The following C9 variants were observed in gnomAD, a reference collection of about 807,000 sequenced individuals.
The protein encoded by C9 is complement C9.
Under a neutral mutation model 65.4 loss-of-function variants are expected in C9, and 63 were observed. That is an observed-to-expected ratio of 0.96 (90% CI 0.79 to 1.19). The LOEUF (loss-of-function observed/expected upper bound fraction) is 1.19. Among genes scored for constraint, C9 ranks in the 50% most tolerant of loss-of-function variants. C9 has a pLI of 0.00. For missense variants in C9, 744 were observed against 670.1 expected, an observed-to-expected ratio of 1.11 and a Z score of -1.22; for synonymous variants, 229 against 227.9, an observed-to-expected ratio of 1.00 and a Z score of -0.04.
Position 39,364,453 on chromosome 5 carries a change from GCAGGCTGA to G in C9, c.4_11del (p.Ser2ProfsTer24). 1 of 1,605,090 alleles carries G rather than the reference GCAGGCTGA, an allele frequency of 6.2e-7. No homozygotes were observed. Among genetic ancestry groups the G allele is most frequent in the African/African-American group, 1.3e-5 (1 of 74,894 alleles). On this transcript the variant is annotated frameshift_variant, in exon 1 of 11. Transcript: ENST00000263408. LOFTEE classifies it high-confidence loss of function. Reference sequence around the variant, plus strand: ...TGCAGATTGCAACTGCAAAGCTCCGGCAGGCTGACATGCTGCTCTTGCTGGGTGGCTGC... The same window carrying G: ...TGCAGATTGCAACTGCAAAGCTCCGGCATGCTGCTCTTGCTGGGTGGCTGC...
At chr5:39,310,140 G>A (rs1753454234) in intron 7 of C9, among the ~76,000 whole-genome samples, 1 of 152,126 alleles carries the variant, frequency 6.6e-6, no homozygotes, top group African/African-American at 2.4e-5. Flanking sequence ...GCTGGTTCTG[G>A]CTATGTCATG....
intron 6 of C9, among the ~76,000 whole-genome samples, chr5:39,314,354 C>T (rs1429748517): frequency 2.0e-5 from 3 of 152,046 alleles, no homozygotes; most frequent in African/African-American, 7.2e-5. Flanking sequence ...GAGGCTGAGG[C>T]AGGAGAATTG....
chr5:39,295,755 G>C (rs1300870763), intron 9 of C9, among the ~76,000 whole-genome samples: 1 of 151,502 alleles, frequency 6.6e-6, no homozygotes, highest in Non-Finnish European at 1.5e-5. Context: ...AACAAAGCTA[G>C]GAGTATCGCA....
intron 8 of C9, 82 bp downstream of exon 8, chr5:39,308,148 A>C: frequency 8.0e-7 from 1 of 1,246,286 alleles, no homozygotes; most frequent in South Asian, 1.2e-5. Flanking sequence ...CAGACAATTA[A>C]GAGGGCTCAT....
chr5:39,295,867 GA>G (rs1264424737), intron 9 of C9, among the ~76,000 whole-genome samples: 2 of 151,532 alleles, frequency 1.3e-5, no homozygotes, highest in African/African-American at 4.8e-5. Context: ...CAGAGAACCG[GA>G]AATTAATATA....
At chr5:39,311,873 C>T in intron 6 of C9, among the ~76,000 whole-genome samples, 1 of 152,228 alleles carries the variant, frequency 6.6e-6, no homozygotes, top group East Asian at 1.9e-4. Flanking sequence ...ACTACTGATA[C>T]ATGTAACAAC....
At chr5:39,361,862 G>A (rs1348621166) in intron 1 of C9, among the ~76,000 whole-genome samples, 1 of 152,170 alleles carries the variant, frequency 6.6e-6, no homozygotes. Context: ...GTAATAATAG[G>A]TCACTGTAGC....
intron 4 of C9, among the ~76,000 whole-genome samples, chr5:39,333,803 G>A (rs976904808): frequency 8.7e-5 from 13 of 148,922 alleles, no homozygotes; most frequent in East Asian, 3.9e-4. Flanking sequence ...TGGTGGAGAC[G>A]GGGTTTCGCT....
At chr5:39,341,969 T>C (rs1754095640) in intron 2 of C9, 122 bp downstream of exon 2, 2 of 743,500 alleles carry the variant, frequency 2.7e-6, no homozygotes, top group Non-Finnish European at 4.9e-6. Flanking sequence ...TAAATGTTTA[T>C]CTCTCTTTCT....
In C9 at chr5:39,306,703, G is replaced by A. The variant is rs748242211; in HGVS notation, c.1330C>T (p.Leu444Phe). ...RKYAFELKEK[L>F]LRGTVIDVTD... ...ACATCAATCACGGTTCCTCGGAGAAGCTTTTCTTTCAGTTCAAATGCATAT... is the reference window on the plus strand; with the variant it reads ...ACATCAATCACGGTTCCTCGGAGAAACTTTTCTTTCAGTTCAAATGCATAT... Residue 444 changes from leucine (L) to phenylalanine (F), a missense_variant, in exon 9 of 11, where the codon CTT (leucine) becomes TTT (phenylalanine). Coordinates refer to ENST00000263408, the MANE Select transcript of C9 (RefSeq NM_001737.5). The A allele has an allele frequency of 2.5e-6, 4 of 1,612,876 alleles. No individual in the cohort carries two copies. The highest frequency in any genetic ancestry group is 3.4e-6 in the Non-Finnish European group (4 of 1,179,086).
intron 9 of C9, among the ~76,000 whole-genome samples, chr5:39,289,603 C>T (rs1184417088): frequency 6.6e-6 from 1 of 151,702 alleles, no homozygotes; most frequent in Non-Finnish European, 1.5e-5. Flanking sequence ...TATTTAGCAG[C>T]TATTTTGGGA....
chr5:39,301,585 C>G (rs902619505), intron 9 of C9, among the ~76,000 whole-genome samples: 2 of 152,096 alleles, frequency 1.3e-5, no homozygotes, highest in Non-Finnish European at 2.9e-5. Flanking sequence ...ACTCTCTGTA[C>G]TATTCTGCAA....
chr5:39,284,206 T>C lies in C9; in HGVS notation c.*993A>G, dbSNP rs1268170372. ...AAAGTTAACATGATACATACTGATGTTTAAGCATTTATTAATTCTCATTTT... is the reference window on the plus strand; with the variant it reads ...AAAGTTAACATGATACATACTGATGCTTAAGCATTTATTAATTCTCATTTT... On this transcript the variant is annotated 3_prime_UTR_variant, in exon 11 of 11. Coordinates refer to ENST00000263408, the MANE Select transcript of C9 (RefSeq NM_001737.5). 6.6e-6 allele frequency: 1 copy of C among 152,176 alleles called. No individual in the cohort carries two copies. The highest frequency in any genetic ancestry group is 2.4e-5 in the African/African-American group (1 of 41,454). 9.4% of individuals were successfully genotyped at this position (152,176 alleles called of 1,614,324 possible).
chr5:39,313,495 C>G (rs148701812), intron 6 of C9, among the ~76,000 whole-genome samples: 1 of 152,256 alleles, frequency 6.6e-6, no homozygotes, highest in East Asian at 1.9e-4. Context: ...GCTTCTCAAA[C>G]TATAAAATGT....
chr5:39,301,012 G>C (rs1166344198), intron 9 of C9, among the ~76,000 whole-genome samples: 1 of 152,020 alleles, frequency 6.6e-6, no homozygotes, highest in Non-Finnish European at 1.5e-5. Context: ...TAATAAAGCT[G>C]TTGAAGGATA....
chr5:39,340,433 A>G (rs1364383596), intron 4 of C9, among the ~76,000 whole-genome samples: 1 of 151,582 alleles, frequency 6.6e-6, no homozygotes, highest in Non-Finnish European at 1.5e-5. Context: ...TGTGTAGTAG[A>G]TATTCCTAGG....
chr5:39,286,742 C>T (rs573016216), intron 10 of C9, among the ~76,000 whole-genome samples: 106 of 151,814 alleles, frequency 7.0e-4, no homozygotes, highest in African/African-American at 2.5e-3. Context: ...ACGCAAAGCA[C>T]TAGATTGAGA....
At chr5:39,295,688 A>C (rs1753173815) in intron 9 of C9, among the ~76,000 whole-genome samples, 1 of 151,796 alleles carries the variant, frequency 6.6e-6, no homozygotes, top group Non-Finnish European at 1.5e-5. Context: ...ATTTGTGTAG[A>C]ACCACAAAGA....
At chr5:39,322,411 A>C (rs931613440) in intron 5 of C9, among the ~76,000 whole-genome samples, 2 of 152,058 alleles carry the variant, frequency 1.3e-5, no homozygotes, top group South Asian at 4.1e-4. Context: ...CTATTGTTAC[A>C]TCTTAAGGAA....
Sources: allele counts gnomAD v4.1 joint callset (sites outside exome capture counted in the v4.1 genomes callset), GRCh38; gene constraint gnomAD v4.1.1; transcripts MANE v1.5; gene names NCBI Gene and HGNC (gene_info 2026-07-23, HGNC 2026-07-21).